Variants in ROBO3 observed in about 807,000 individuals in gnomAD.
The protein encoded by ROBO3 is roundabout guidance receptor 3.
In ROBO3, 97 loss-of-function variants were observed where a neutral mutation model predicts 160.5. The observed-to-expected ratio is 0.60, with a 90% CI of 0.51 to 0.72. The LOEUF is 0.72. ROBO3 is among the 30% of genes least tolerant of loss of function. The pLI is 0.00. For missense variants in ROBO3, 1,858 were observed against 1,846.5 expected, an observed-to-expected ratio of 1.01 and a Z score of -0.11; for synonymous variants, 780 against 746.2, an observed-to-expected ratio of 1.05 and a Z score of -0.74.
chr11:124,880,508 G>A lies in ROBO3; in HGVS notation c.4049G>A (p.Arg1350Lys). 6.3e-7 allele frequency: 1 copy of A among 1,591,896 alleles called. No homozygotes were observed. Among genetic ancestry groups the A allele is most frequent in the East Asian group, 2.3e-5 (1 of 43,908 alleles). ...TCSTAGSNSS[R>K]GSSSSRGSRG... Reference sequence around the variant, plus strand: ...TCCACGGCCGGCAGCAACTCTTCCAGGGGCTCCAGCAGCTCTAGGGGCTCC... The same window carrying A: ...TCCACGGCCGGCAGCAACTCTTCCAAGGGCTCCAGCAGCTCTAGGGGCTCC... The change falls in exon 27 of 28, where the codon AGG becomes AAG. Residue 1350 changes from arginine (R) to lysine (K), a missense_variant. Transcript: ENST00000397801.
In ROBO3 at chr11:124,880,542, TGG is replaced by T. The variant is rs1946553115; in HGVS notation, c.4084_4085del (p.Gly1362ProfsTer35). ...GCAGCTCTAGGGGCTCCCGGGGCCC[TGG>T]CCGGAGCCGGAGTCGGAGTCAGAGC... is the stretch of plus-strand genomic sequence containing the variant. The part of the protein sequence containing the change: ...SSSSRGSRGP[G>X]RSRSRSQSRS... On this transcript the variant is annotated frameshift_variant, in exon 27 of 28. Coordinates refer to ENST00000397801, the MANE Select transcript of ROBO3 (RefSeq NM_022370.4). LOFTEE classifies it high-confidence loss of function. The T allele has an allele frequency of 6.5e-7, 1 of 1,542,998 alleles. No individual in the cohort carries two copies. The highest frequency in any genetic ancestry group is 1.7e-5 in the African/African-American group (1 of 59,774).
chr11:124,868,750 C>T (rs1374270076), intron 1 of ROBO3, 52 bp from the exon 2 acceptor site: 7 of 1,522,076 alleles, frequency 4.6e-6, no homozygotes, highest in Non-Finnish European at 5.4e-6. Context: ...GAGCCTCAAT[C>T]TCTCCCCACA....
In ROBO3 at chr11:124,878,855, G is replaced by A; in HGVS notation, c.3533+59G>A. The A allele has an allele frequency of 1.8e-5, 25 of 1,382,592 alleles. No individual in the cohort carries two copies. Among genetic ancestry groups the A allele is most frequent in the Non-Finnish European group, 2.4e-5 (24 of 991,046 alleles). 85.6% of individuals were successfully genotyped at this position (1,382,592 alleles called of 1,614,324 possible). The stretch of plus-strand genomic sequence containing the variant: ...GCCCTCTATACGTATCTACTCAGTA[G>A]ATGACTGGGTGGGTGGATGGATGGA... On this transcript the variant is annotated intron_variant, in intron 23 of 27. Coordinates refer to ENST00000397801, the MANE Select transcript of ROBO3 (RefSeq NM_022370.4). This position sits in a 1 kb window ranked among gnomAD's most constrained non-coding sequence, Gnocchi z 4.3.
chr11:124,876,513 T>G lies in ROBO3; in HGVS notation c.2779+53T>G, dbSNP rs1227960155. ...ATCCGGGAGGGAGCCAGGCGGCCCA[T>G]GGGGAGGGGCAGGGGCTTAGCCGCT... On this transcript the variant is annotated intron_variant, in intron 17 of 27. Coordinates refer to ENST00000397801, the MANE Select transcript of ROBO3 (RefSeq NM_022370.4). This position sits in a 1 kb window ranked among gnomAD's most constrained non-coding sequence, Gnocchi z 5.3. The G allele has an allele frequency of 1.4e-5, 19 of 1,323,052 alleles. No homozygotes were observed. In the South Asian group the frequency reaches 2.6e-4, roughly 18 times the overall value. The allele number at this position is 1,323,052 out of a possible 1,614,324, so 82.0% of individuals were successfully genotyped here. A position where few individuals can be genotyped will look rare whatever the true frequency, so the allele number is the denominator to read the frequency against.
At position 124,877,392 on chromosome 11, in the gene ROBO3, G is replaced by C. The variant is rs1946413237; in HGVS notation, c.2846+83G>C. 1.9e-6 allele frequency: 3 copies of C among 1,592,734 alleles called. No homozygotes were observed. In the East Asian group the frequency reaches 6.7e-5, roughly 36 times the overall value. ...CGCCCCGCTGACGCCCCAGGTGGAGGGAGCATGGCCACCTCCCACCCCAAC... is the reference window on the plus strand; with the variant it reads ...CGCCCCGCTGACGCCCCAGGTGGAGCGAGCATGGCCACCTCCCACCCCAAC... On this transcript the variant is annotated intron_variant, in intron 19 of 27. Transcript: ENST00000397801.
rs1488058404 is a variant in ROBO3 at position 124,873,095 on chromosome 11, T to C, written c.1536+6T>C. On this transcript the variant is annotated splice_donor_region_variant and intron_variant, in intron 9 of 27. Coordinates refer to ENST00000397801, the MANE Select transcript of ROBO3 (RefSeq NM_022370.4). This position sits in a 1 kb window ranked among gnomAD's most constrained non-coding sequence, Gnocchi z 4.5. ...TGTACATCGCCAATGTGCAGGTGAG[T>C]GTCACCCCTGGGGCCCTAGTAGCTG... 8.1e-6 allele frequency: 13 copies of C among 1,611,808 alleles called. No homozygotes were observed. Among genetic ancestry groups the C allele is most frequent in the Non-Finnish European group, 1.1e-5 (13 of 1,178,668 alleles).
intron 1 of ROBO3, among the ~76,000 whole-genome samples, chr11:124,866,138 A>G (rs1946193610): frequency 6.6e-6 from 1 of 152,196 alleles, no homozygotes; most frequent in Non-Finnish European, 1.5e-5. Context: ...TGACCCACCC[A>G]GGCAGCTGGT....
rs367653125 is a variant in ROBO3, at chr11:124,874,227, C to A, written c.1942C>A (p.Arg648Ser). ...GCCCAGCCCCGTCTCTGAGCCTGTC[C>A]GTACACAGGGTAAGGTCAGAGTCCC... ...SEPSPVSEPV[R>S]TQDSSPSRPV... The change falls in exon 12 of 28, where the codon CGT (arginine) becomes AGT (serine). Residue 648 changes from arginine (R) to serine (S), a missense_variant. Coordinates refer to ENST00000397801, the MANE Select transcript of ROBO3 (RefSeq NM_022370.4). The A allele has an allele frequency of 6.2e-7, 1 of 1,613,450 alleles. No homozygotes were observed. Among genetic ancestry groups the A allele is most frequent in the Non-Finnish European group, 8.5e-7 (1 of 1,179,604 alleles).
chr11:124,878,237 CTG>C lies in ROBO3; in HGVS notation c.3182-59_3182-58del. 2 of 1,594,594 alleles carry C rather than the reference CTG, an allele frequency of 1.3e-6. No homozygotes were observed. Among genetic ancestry groups the C allele is most frequent in the East Asian group, 4.5e-5 (2 of 44,282 alleles). Reference sequence around the variant, plus strand: ...ACCTAGCCCGGCACTTCCTTCTGACCTGTCTCATCTCTGGCTCTTTCCTGCCT... The same window carrying C: ...ACCTAGCCCGGCACTTCCTTCTGACCTCTCATCTCTGGCTCTTTCCTGCCT... On this transcript the variant is annotated intron_variant, in intron 21 of 27. Transcript: ENST00000397801. This position sits in a 1 kb window ranked among gnomAD's most constrained non-coding sequence, Gnocchi z 4.3.
In ROBO3 at chr11:124,875,137, A is replaced by T. The variant is rs769735214; in HGVS notation, c.2100A>T (p.Gln700His). 1 of 1,611,404 alleles carries T rather than the reference A, an allele frequency of 6.2e-7. No individual in the cohort carries two copies. The highest frequency in any genetic ancestry group is 1.7e-5 in the Admixed American group (1 of 59,586). ...TGGATGGCCCAGTCCAGCTGGTGCA[A>T]GGTTTCCGGGTGTCTTGGAGGGTAG... ...WTVDGPVQLV[Q>H]GFRVSWRVAG... The change falls in exon 14 of 28, where the codon CAA becomes CAT. Residue 700 changes from glutamine (Q) to histidine (H), a missense_variant. Gln to His is a conservative substitution (Grantham distance 24). Coordinates refer to ENST00000397801, the MANE Select transcript of ROBO3 (RefSeq NM_022370.4).
Position 124,880,436 on chromosome 11 carries a change from A to G in ROBO3, c.3977A>G (p.Tyr1326Cys), listed in dbSNP as rs755315620. 6.2e-7 allele frequency: 1 copy of G among 1,613,160 alleles called. No individual in the cohort carries two copies. Among genetic ancestry groups the G allele is most frequent in the Non-Finnish European group, 8.5e-7 (1 of 1,179,612 alleles). The stretch of plus-strand genomic sequence containing the variant: ...GCTGCAGAAGAGGCCTGGCTCCCAT[A>G]CAGCAGACCAAGCTTCCTGTCCCGG... ...LHPDEEAWLPYSRPSFLSRGQ... is the reference protein window; with the variant it reads ...LHPDEEAWLPCSRPSFLSRGQ... The change falls in exon 27 of 28, where the codon TAC becomes TGC. Residue 1326 changes from tyrosine (Y) to cysteine (C), a missense_variant. Coordinates refer to ENST00000397801, the MANE Select transcript of ROBO3 (RefSeq NM_022370.4).
intron 23 of ROBO3, 109 bp from the exon 24 acceptor site, chr11:124,879,081 G>T: frequency 7.7e-7 from 1 of 1,297,128 alleles, no homozygotes; most frequent in Non-Finnish European, 1.1e-6. Flanking sequence ...GGGCGGACGG[G>T]TTGTGTCTCG....
rs1251121290 is a variant in ROBO3, at chr11:124,876,863, A to G, written c.2780-298A>G. On this transcript the variant is annotated intron_variant, in intron 17 of 27. Coordinates refer to ENST00000397801, the MANE Select transcript of ROBO3 (RefSeq NM_022370.4). This position sits in a 1 kb window ranked among gnomAD's most constrained non-coding sequence, Gnocchi z 5.3. ...CTGGATGGAAAGGCGGGGCCCGCTGAAAGAAGGCGATCCGAGTTCTGCTAC... is the reference window on the plus strand; with the variant it reads ...CTGGATGGAAAGGCGGGGCCCGCTGGAAGAAGGCGATCCGAGTTCTGCTAC... The G allele has an allele frequency of 7.0e-6, 4 of 570,956 alleles. No homozygotes were observed. In the African/African-American group the frequency reaches 7.5e-5, roughly 11 times the overall value. The allele number at this position is 570,956 out of a possible 1,614,324, so 35.4% of individuals were successfully genotyped here. A position where few individuals can be genotyped will look rare whatever the true frequency, so the allele number is the denominator to read the frequency against.
rs1946285086 is a variant in ROBO3 at position 124,872,020 on chromosome 11, G to C, written c.1159-361G>C. 6.6e-6 allele frequency among the ~76,000 whole-genome samples: 1 copy of C among 152,122 alleles called. No individual in the cohort carries two copies. The highest frequency in any genetic ancestry group is 1.5e-5 in the Non-Finnish European group (1 of 68,022). ...AAAACTGTTCAAGCAGGAAGAAGAG[G>C]AATGTGTTTACCACAACGTGTTAGA... On this transcript the variant is annotated intron_variant, in intron 7 of 27. Transcript: ENST00000397801. This position sits in a 1 kb window ranked among gnomAD's most constrained non-coding sequence, Gnocchi z 4.3.
intron 5 of ROBO3, 58 bp downstream of exon 5, chr11:124,870,361 C>A: frequency 6.4e-7 from 1 of 1,563,706 alleles, no homozygotes; most frequent in South Asian, 1.2e-5. Flanking sequence ...ACTATTCTGC[C>A]CTAGAAAACC....
chr11:124,872,662 T>C lies in ROBO3; in HGVS notation c.1330+110T>C, dbSNP rs1277938027. Reference sequence around the variant, plus strand: ...TACTATGTCTGCAAGAGGAGAGATGTGTTCCTGAGGCATGACCTTGAAGTT... The same window carrying C: ...TACTATGTCTGCAAGAGGAGAGATGCGTTCCTGAGGCATGACCTTGAAGTT... On this transcript the variant is annotated intron_variant, in intron 8 of 27. Coordinates refer to ENST00000397801, the MANE Select transcript of ROBO3 (RefSeq NM_022370.4). This position sits in a 1 kb window ranked among gnomAD's most constrained non-coding sequence, Gnocchi z 4.3. 8.4e-7 allele frequency: 1 copy of C among 1,190,082 alleles called. No homozygotes were observed. Among genetic ancestry groups the C allele is most frequent in the Admixed American group, 2.5e-5 (1 of 40,404 alleles). 73.7% of individuals were successfully genotyped at this position (1,190,082 alleles called of 1,614,324 possible). A position where few individuals can be genotyped will look rare whatever the true frequency, so the allele number is the denominator to read the frequency against.
At position 124,873,767 on chromosome 11, in the gene ROBO3, G is replaced by A. The variant is rs1259844373; in HGVS notation, c.1689G>A (p.Val563=). The change falls in exon 11 of 28, where the codon GTG becomes GTA. Residue 563 remains valine (V), a synonymous_variant. Coordinates refer to ENST00000397801, the MANE Select transcript of ROBO3 (RefSeq NM_022370.4). This position sits in a 1 kb window ranked among gnomAD's most constrained non-coding sequence, Gnocchi z 4.5. ...SSPPGAPSQP[V]VTEITKNSIT... is the part of the protein sequence containing the mutation. Reference sequence around the variant, plus strand: ...CTCCGGGGGCTCCCTCTCAGCCAGTGGTCACTGAGATCACCAAGAACAGCA... The same window carrying A: ...CTCCGGGGGCTCCCTCTCAGCCAGTAGTCACTGAGATCACCAAGAACAGCA... The A allele has an allele frequency of 6.2e-7, 1 of 1,613,780 alleles. No individual in the cohort carries two copies. The highest frequency in any genetic ancestry group is 1.1e-5 in the South Asian group (1 of 91,064).
chr11:124,867,254 C>G (rs1364359277), intron 1 of ROBO3, among the ~76,000 whole-genome samples: 4 of 152,182 alleles, frequency 2.6e-5, no homozygotes, highest in Non-Finnish European at 5.9e-5. Context: ...GCTGGGAACA[C>G]AAGCCCTTAA....
chr11:124,871,877 G>A (rs1274241035), intron 7 of ROBO3, among the ~76,000 whole-genome samples: 1 of 152,164 alleles, frequency 6.6e-6, no homozygotes, highest in Admixed American at 6.5e-5. Context: ...AAAGGGTGAC[G>A]GTTAGTAGGG....
Sources: allele counts gnomAD v4.1 joint callset (sites outside exome capture counted in the v4.1 genomes callset), GRCh38; gene constraint gnomAD v4.1.1; non-coding constraint Gnocchi (gnomAD v3.1); transcripts MANE v1.5; gene names NCBI Gene and HGNC (gene_info 2026-07-23, HGNC 2026-07-21).